Variants in LPP observed in about 807,000 individuals in gnomAD.
LPP encodes the protein LIM domain containing preferred translocation partner in lipoma.
In LPP, 38 loss-of-function variants were observed where a neutral mutation model predicts 60.4. The ratio of observed to expected loss-of-function variants is 0.63; its 90% CI spans 0.49 to 0.83. LPP has a LOEUF of 0.83. Ranked by LOEUF, LPP falls within the 40% of genes least tolerant of loss-of-function variation. The pLI is 0.00. For synonymous variants in LPP, 328 were observed against 290.8 expected, an observed-to-expected ratio of 1.13 and a Z score of -1.30; for missense variants, 902 against 783.6, an observed-to-expected ratio of 1.15 and a Z score of -1.80.
intron 10 of LPP, among the ~76,000 whole-genome samples, chr3:188,872,206 C>G (rs896589504): frequency 2.0e-5 from 3 of 152,098 alleles, no homozygotes; most frequent in African/African-American, 7.2e-5. Flanking sequence ...AAGGTGGGAA[C>G]AAGGCAAAGA....
intron 1 of LPP, among the ~76,000 whole-genome samples, chr3:188,198,753 G>GC (rs1187920274): frequency 6.6e-6 from 1 of 152,098 alleles, no homozygotes; most frequent in Non-Finnish European, 1.5e-5. Context: ...ACTCACCCCT[G>GC]CCCTTCTGCC....
At chr3:188,240,342 AGTGTGTGTGTGTGT>A (rs75173733) in intron 2 of LPP, among the ~76,000 whole-genome samples, 1 of 143,660 alleles carries the variant, frequency 7.0e-6, no homozygotes, top group Non-Finnish European at 1.5e-5. Flanking sequence ...TTTGGGTAAG[AGTGTGTGTGTGTGT>A]GTGTGTGTGT....
intron 7 of LPP, among the ~76,000 whole-genome samples, chr3:188,634,049 G>T (rs1367791720): frequency 1.3e-5 from 2 of 152,146 alleles, no homozygotes; most frequent in Non-Finnish European, 2.9e-5. Context: ...CTACACAAAA[G>T]TCTGCATGAA....
chr3:188,530,195 T>G (rs1324765639), intron 6 of LPP, among the ~76,000 whole-genome samples: 1 of 152,230 alleles, frequency 6.6e-6, no homozygotes, highest in Non-Finnish European at 1.5e-5. Context: ...GCCCTTTTGA[T>G]GCCCAAGGGC....
At chr3:188,299,621 T>C (rs539640118) in intron 2 of LPP, among the ~76,000 whole-genome samples, 1 of 152,344 alleles carries the variant, frequency 6.6e-6, no homozygotes, top group South Asian at 2.1e-4. Flanking sequence ...CCCGTCCCAC[T>C]GTGAGGTGAG....
At position 188,280,924 on chromosome 3, in the gene LPP, G is replaced by A. The variant is rs949374872; in HGVS notation, c.-67+55397G>A. Among the ~76,000 whole-genome samples the A allele has an allele frequency of 6.6e-5, 9 of 136,204 alleles. No homozygotes were observed. In the East Asian group the frequency reaches 1.6e-3, roughly 25 times the overall value. 89.4% of individuals were successfully genotyped at this position (136,204 alleles called of 152,430 possible). ...TCTATCCTGGGGCTAATGATAGGAC[G>A]ACAAAGGAATTTTTTTTTTTTTTTT... On this transcript the variant is annotated intron_variant, in intron 2 of 11. Coordinates refer to ENST00000617246, the MANE Select transcript of LPP (RefSeq NM_001375462.1).
intron 5 of LPP, among the ~76,000 whole-genome samples, chr3:188,511,774 T>C (rs543509395): frequency 6.6e-6 from 1 of 152,272 alleles, no homozygotes; most frequent in South Asian, 2.1e-4. Context: ...TATATGAAAA[T>C]GCTTTTCTAA....
chr3:188,512,366 T>C (rs964515741), intron 5 of LPP, among the ~76,000 whole-genome samples: 1 of 152,104 alleles, frequency 6.6e-6, no homozygotes, highest in African/African-American at 2.4e-5. Flanking sequence ...GAGACCGGCC[T>C]GGCTAACATG....
intron 7 of LPP, among the ~76,000 whole-genome samples, chr3:188,658,043 A>T (rs1470319134): frequency 6.6e-6 from 1 of 151,640 alleles, no homozygotes; most frequent in Non-Finnish European, 1.5e-5. Flanking sequence ...ATCAATCAAC[A>T]CAGTGACAGT....
At chr3:188,509,027 A>T (rs1168623499) in intron 5 of LPP, among the ~76,000 whole-genome samples, 3 of 152,146 alleles carry the variant, frequency 2.0e-5, no homozygotes, top group South Asian at 2.1e-4. Flanking sequence ...ATGTTCATGG[A>T]TATCGAAGGT....
At chr3:188,585,458 A>C (rs1837225165) in intron 6 of LPP, among the ~76,000 whole-genome samples, 1 of 152,090 alleles carries the variant, frequency 6.6e-6, no homozygotes, top group Admixed American at 6.5e-5. Flanking sequence ...ATTCATGGGG[A>C]GTATAGTAGA....
intron 2 of LPP, among the ~76,000 whole-genome samples, chr3:188,239,461 C>G (rs1474645340): frequency 6.6e-6 from 1 of 152,190 alleles, no homozygotes; most frequent in Non-Finnish European, 1.5e-5. Context: ...GCAAATCAGT[C>G]TTTTCTGTGC....
chr3:188,553,624 T>C (rs1828741199), intron 6 of LPP: 1 of 152,204 alleles, frequency 6.6e-6, no homozygotes, highest in Non-Finnish European at 1.5e-5. Flanking sequence ...AACTTGTGTG[T>C]TTGTTCAAGA....
intron 6 of LPP, among the ~76,000 whole-genome samples, chr3:188,576,938 A>G (rs1371306497): frequency 1.3e-5 from 2 of 152,214 alleles, no homozygotes; most frequent in East Asian, 1.9e-4. Flanking sequence ...TCCTTTCTCC[A>G]TGATTTACTG....
chr3:188,702,438 A>C (rs563783229), intron 7 of LPP, among the ~76,000 whole-genome samples: 5 of 151,526 alleles, frequency 3.3e-5, no homozygotes, highest in Non-Finnish European at 5.9e-5. Flanking sequence ...CAGAACACTG[A>C]ATTCATACCT....
chr3:188,318,750 A>ATTT (rs1578073052), intron 2 of LPP, among the ~76,000 whole-genome samples: 1 of 120,518 alleles, frequency 8.3e-6, no homozygotes, highest in African/African-American at 3.3e-5. Context: ...AAAAATTATG[A>ATTT]TTCTTTTTTT....
chr3:188,305,091 T>G (rs973750802), intron 2 of LPP, among the ~76,000 whole-genome samples: 1 of 152,234 alleles, frequency 6.6e-6, no homozygotes, highest in African/African-American at 2.4e-5. Context: ...TCTTCTGCAT[T>G]ATGGTTATAT....
At chr3:188,403,021 A>G (rs1029315669) in intron 3 of LPP, among the ~76,000 whole-genome samples, 3 of 152,160 alleles carry the variant, frequency 2.0e-5, no homozygotes, top group African/African-American at 7.2e-5. Context: ...AATCCTGGGA[A>G]TGGGGTCACT....
chr3:188,495,083 T>TATATATATATATATATTTA lies in LPP; in HGVS notation c.306+10379_306+10380insATATATATATATATATTTA, dbSNP rs57578460. ...AGGATTTTATATATATATATATATA[T>TATATATATATATATATTTA]TTTATTTATATTTTATTATATATTT... On this transcript the variant is annotated intron_variant, in intron 5 of 11. Coordinates refer to ENST00000617246, the MANE Select transcript of LPP (RefSeq NM_001375462.1). Among the ~76,000 whole-genome samples the TATATATATATATATATTTA allele has an allele frequency of 6.4e-5, 5 of 77,782 alleles. No homozygotes were observed. In the East Asian group the frequency reaches 1.6e-3, roughly 25 times the overall value. 51.0% of individuals were successfully genotyped at this position (77,782 alleles called of 152,430 possible). A position where few individuals can be genotyped will look rare whatever the true frequency, so the allele number is the denominator to read the frequency against.
Sources: gnomAD v4.1 joint callset for allele counts (sites outside exome capture counted in the v4.1 genomes callset) on GRCh38, gnomAD v4.1.1 for gene constraint, MANE v1.5 for transcripts, NCBI Gene and HGNC (gene_info 2026-07-23, HGNC 2026-07-21) for gene names.